The following TBC1D5 variants were observed in gnomAD, a reference collection of about 807,000 sequenced individuals.
TBC1D5 encodes the protein TBC1 domain family member 5.
In TBC1D5, 75 loss-of-function variants were observed where a neutral mutation model predicts 100.3. The ratio of observed to expected loss-of-function variants is 0.75; its 90% confidence interval spans 0.62 to 0.91. The LOEUF (loss-of-function observed/expected upper bound fraction) is 0.91, where lower values mean the gene tolerates loss of function less well. TBC1D5 is among the 40% of genes least tolerant of loss of function. The pLI is 0.00. For synonymous variants in TBC1D5, 323 were observed against 325.6 expected, an observed-to-expected ratio of 0.99 and a Z score of 0.09; for missense variants, 910 against 942.4, an observed-to-expected ratio of 0.97 and a Z score of 0.45.
chr3:17,578,961 C>T (rs1339988822), intron 2 of TBC1D5, among the ~76,000 whole-genome samples: 4 of 151,908 alleles, frequency 2.6e-5, no homozygotes, highest in Admixed American at 6.6e-5. Flanking sequence ...AAATATATTC[C>T]AAATAATTTG....
At chr3:17,205,882 G>A (rs545910874) in intron 18 of TBC1D5, among the ~76,000 whole-genome samples, 1 of 152,272 alleles carries the variant, frequency 6.6e-6, no homozygotes, top group African/African-American at 2.4e-5. Flanking sequence ...GAAAGATGGT[G>A]ATGCTACTCA....
chr3:17,546,783 CAAAA>C (rs758349149), intron 2 of TBC1D5, among the ~76,000 whole-genome samples: 1 of 70,180 alleles, frequency 1.4e-5, no homozygotes, highest in Admixed American at 1.6e-4. Context: ...GACTCCATCT[CAAAA>C]AAAAAAAAAA....
rs910931319 is a variant in TBC1D5 at position 17,521,356 on chromosome 3, G to A, written c.-35-12751C>T. ...TGTGAAGCCAACAAGGGTAACTTCC[G>A]CTAAATGAATAGTAAATATATTTTC... On this transcript the variant is annotated intron_variant, in intron 2 of 21. Transcript: ENST00000253692. 2.6e-5 allele frequency among the ~76,000 whole-genome samples: 4 copies of A among 152,096 alleles called. No individual in the cohort carries two copies. The South Asian group carries it at 6.2e-4, about 24-fold the overall frequency.
intron 16 of TBC1D5, among the ~76,000 whole-genome samples, chr3:17,252,557 T>C (rs1383078278): frequency 1.3e-5 from 2 of 152,298 alleles, no homozygotes; most frequent in Admixed American, 6.5e-5. Flanking sequence ...GCATTTAAGA[T>C]GTATCCACAT....
chr3:17,719,677 A>C (rs1253053963), intron 1 of TBC1D5, among the ~76,000 whole-genome samples: 2 of 152,212 alleles, frequency 1.3e-5, no homozygotes, highest in African/African-American at 4.8e-5. Context: ...AAATCAAAAA[A>C]TATCATTTTC....
exon 19 of TBC1D5, chr3:17,185,149 G>C (rs2068878823): frequency 4.3e-6 from 7 of 1,613,600 alleles, no homozygotes; most frequent in Non-Finnish European, 5.9e-6. Flanking sequence ...ATTTGCACAT[G>C]GCATCCAGGT....
chr3:17,481,745 T>A (rs2095504785), intron 3 of TBC1D5, among the ~76,000 whole-genome samples: 1 of 151,842 alleles, frequency 6.6e-6, no homozygotes, highest in South Asian at 2.1e-4. Context: ...ATGACTTTAT[T>A]TTTTTTTGAG....
intron 19 of TBC1D5, among the ~76,000 whole-genome samples, chr3:17,176,175 T>A (rs879671259): frequency 6.6e-6 from 1 of 152,208 alleles, no homozygotes; most frequent in Admixed American, 6.5e-5. Flanking sequence ...GCATGCTAAG[T>A]CACAATTTCC....
chr3:17,198,311 G>A (rs1228189617), intron 18 of TBC1D5, among the ~76,000 whole-genome samples: 3 of 152,134 alleles, frequency 2.0e-5, no homozygotes, highest in Non-Finnish European at 2.9e-5. Context: ...GGCTGGGCCT[G>A]ATGGATTTAA....
At chr3:17,512,115 T>C (rs771758880) in intron 2 of TBC1D5, among the ~76,000 whole-genome samples, 2 of 152,068 alleles carry the variant, frequency 1.3e-5, no homozygotes, top group Non-Finnish European at 2.9e-5. Context: ...TATGAAATCA[T>C]AACATAATGT....
intron 13 of TBC1D5, among the ~76,000 whole-genome samples, chr3:17,346,524 C>T (rs186863866): frequency 4.2e-4 from 64 of 152,014 alleles, no homozygotes; most frequent in Non-Finnish European, 8.2e-4. Context: ...AAACATTTTT[C>T]CTAATGTACT....
chr3:17,656,415 A>T (rs1026324308), intron 1 of TBC1D5, among the ~76,000 whole-genome samples: 8 of 152,208 alleles, frequency 5.3e-5, no homozygotes, highest in Non-Finnish European at 1.2e-4. Flanking sequence ...AGCCAAAATG[A>T]TATGGAAACA....
At chr3:17,645,492 A>G (rs2064936960) in intron 1 of TBC1D5, among the ~76,000 whole-genome samples, 1 of 152,124 alleles carries the variant, frequency 6.6e-6, no homozygotes, top group Non-Finnish European at 1.5e-5. Context: ...AACTAAATCC[A>G]CTATCCAGAC....
intron 2 of TBC1D5, among the ~76,000 whole-genome samples, chr3:17,587,055 G>C (rs1200799288): frequency 6.6e-6 from 1 of 151,886 alleles, no homozygotes; most frequent in Non-Finnish European, 1.5e-5. Flanking sequence ...TTAGAATACA[G>C]ATGCATCAGT....
chr3:17,235,050 G>C (rs2075749658), intron 17 of TBC1D5, among the ~76,000 whole-genome samples: 1 of 152,026 alleles, frequency 6.6e-6, no homozygotes, highest in Admixed American at 6.6e-5. Context: ...CTTTGAAGGA[G>C]ATTTTCAATT....
At chr3:17,410,625 A>G (rs550113759) in intron 4 of TBC1D5, among the ~76,000 whole-genome samples, 3 of 152,248 alleles carry the variant, frequency 2.0e-5, no homozygotes, top group Admixed American at 6.6e-5. Context: ...CAACATGAAC[A>G]AGAGTTTTTA....
intron 2 of TBC1D5, among the ~76,000 whole-genome samples, chr3:17,536,446 C>T (rs1576577730): frequency 1.3e-5 from 2 of 152,120 alleles, no homozygotes. Flanking sequence ...TTACCAAATA[C>T]GTTCATAATG....
chr3:17,322,120 A>G, intron 13 of TBC1D5, among the ~76,000 whole-genome samples: 1 of 152,320 alleles, frequency 6.6e-6, no homozygotes, highest in Non-Finnish European at 1.5e-5. Context: ...TTAAAGAAAG[A>G]TCTTCATTGT....
At chr3:17,178,914 G>A (rs188458261) in intron 19 of TBC1D5, among the ~76,000 whole-genome samples, 93 of 152,236 alleles carry the variant, frequency 6.1e-4, no homozygotes, top group Non-Finnish European at 1.0e-3. Context: ...CAAAGTGCCA[G>A]GATTATAGGC....
Sources: allele counts gnomAD v4.1 joint callset (sites outside exome capture counted in the v4.1 genomes callset), GRCh38; gene constraint gnomAD v4.1.1; transcripts MANE v1.5; gene names NCBI Gene and HGNC (gene_info 2026-07-23, HGNC 2026-07-21).